CDH12: variants seen among roughly 807,000 people sequenced by gnomAD.
CDH12 encodes the protein cadherin-12.
CDH12 carries 41 observed loss-of-function variants against 74.1 expected under a neutral mutation model. The observed-to-expected ratio is 0.55, with a 90% CI of 0.43 to 0.72. The LOEUF (loss-of-function observed/expected upper bound fraction) is 0.72, where lower values mean the gene tolerates loss of function less well. CDH12 is among the 30% of genes least tolerant of loss of function. The pLI is 0.00. For missense variants in CDH12, 945 were observed against 977.2 expected (o/e 0.97, Z 0.44); for synonymous variants, 399 against 355.0 (o/e 1.12, Z -1.39).
rs995357812 is a variant in CDH12, at chr5:22,005,505, C to G, written c.232-30120G>C. 3.3e-5 allele frequency among the ~76,000 whole-genome samples: 5 copies of G among 150,798 alleles called. No individual in the cohort carries two copies. In the South Asian group the frequency reaches 6.3e-4, roughly 19 times the overall value. On this transcript the variant is annotated intron_variant, in intron 5 of 14. Coordinates refer to ENST00000382254, the MANE Select transcript of CDH12 (RefSeq NM_004061.5). ...TTTGTGTAGATATACAGCAGTGGGT[C>G]AATCCCATTTTAAAATGCAACCTGC...
chr5:22,393,020 T>C (rs1742310555), intron 3 of CDH12, among the ~76,000 whole-genome samples: 1 of 152,106 alleles, frequency 6.6e-6, no homozygotes. Flanking sequence ...TGAATGATAT[T>C]CCCCAACAAT....
chr5:21,953,457 C>A (rs1346136092), intron 6 of CDH12, among the ~76,000 whole-genome samples: 1 of 152,148 alleles, frequency 6.6e-6, no homozygotes, highest in Non-Finnish European at 1.5e-5. Context: ...TCTGAATAAA[C>A]CTCTTTAAAT....
chr5:22,037,530 T>C (rs1739275119), intron 5 of CDH12, among the ~76,000 whole-genome samples: 1 of 152,174 alleles, frequency 6.6e-6, no homozygotes, highest in South Asian at 2.1e-4. Flanking sequence ...AACACCTTGA[T>C]TTTTTTCCTG....
intron 3 of CDH12, among the ~76,000 whole-genome samples, chr5:22,319,149 A>G (rs1208001200): frequency 6.6e-6 from 1 of 152,186 alleles, no homozygotes; most frequent in Non-Finnish European, 1.5e-5. Flanking sequence ...ATCAAGAAAT[A>G]TTTTAGAGAT....
intron 6 of CDH12, among the ~76,000 whole-genome samples, chr5:21,957,898 A>C (rs575882710): frequency 1.3e-5 from 2 of 152,212 alleles, no homozygotes; most frequent in East Asian, 3.9e-4. Flanking sequence ...TTCTTTTGCT[A>C]TGCAGAAGCT....
At chr5:22,050,530 C>A (rs1740286584) in intron 5 of CDH12, among the ~76,000 whole-genome samples, 1 of 152,076 alleles carries the variant, frequency 6.6e-6, no homozygotes, top group Non-Finnish European at 1.5e-5. Flanking sequence ...ATAGGAATAT[C>A]TGGTTAAACT....
intron 2 of CDH12, among the ~76,000 whole-genome samples, chr5:22,459,043 T>G (rs1157402813): frequency 6.6e-6 from 1 of 152,134 alleles, no homozygotes; most frequent in Non-Finnish European, 1.5e-5. Context: ...CTGTACGAGG[T>G]TAAACTGTAC....
intron 9 of CDH12, among the ~76,000 whole-genome samples, chr5:21,810,014 C>T (rs757821396): frequency 6.6e-6 from 1 of 151,976 alleles, no homozygotes; most frequent in Non-Finnish European, 1.5e-5. Context: ...TTATATGGGA[C>T]AGGGAGTTCT....
chr5:22,688,038 G>C (rs1052722028), intron 1 of CDH12, among the ~76,000 whole-genome samples: 3 of 152,088 alleles, frequency 2.0e-5, no homozygotes, highest in African/African-American at 7.2e-5. Flanking sequence ...AAAGCACCGA[G>C]AATTTATAAT....
At chr5:21,788,658 C>A (rs1746328172) in intron 10 of CDH12, among the ~76,000 whole-genome samples, 1 of 151,894 alleles carries the variant, frequency 6.6e-6, no homozygotes, top group Non-Finnish European at 1.5e-5. Context: ...AATAAAGTTC[C>A]AAACATCTTT....
intron 1 of CDH12, among the ~76,000 whole-genome samples, chr5:22,792,230 A>T (rs1361863559): frequency 1.3e-5 from 2 of 151,820 alleles, no homozygotes; most frequent in African/African-American, 4.8e-5. Context: ...CTGGGATTAC[A>T]GGTGCCCGCC....
chr5:21,795,902 T>A (rs1746753002), intron 10 of CDH12, among the ~76,000 whole-genome samples: 2 of 152,120 alleles, frequency 1.3e-5, no homozygotes, highest in South Asian at 4.1e-4. Flanking sequence ...TCAATTCCAA[T>A]TGATTACAGC....
In CDH12 at chr5:21,751,750, T is replaced by TCGC; in HGVS notation, c.2371_2372insGCG (p.Pro790_Asp791insGly). On this transcript the variant is annotated inframe_insertion, in exon 15 of 15. Coordinates refer to ENST00000382254, the MANE Select transcript of CDH12 (RefSeq NM_004061.5). ...TCCACGACTCCCTTAAGTGACTTTA[T>TCGC]CAGGGTTATAACTCTCTTCTTCGCC... 1 of 1,612,078 alleles carries TCGC rather than the reference T, an allele frequency of 6.2e-7. No individual in the cohort carries two copies. The highest frequency in any genetic ancestry group is 8.5e-7 in the Non-Finnish European group (1 of 1,179,080).
chr5:22,557,485 T>C lies in CDH12; in HGVS notation c.-522-52121A>G, dbSNP rs559857099. 1.9e-4 allele frequency among the ~76,000 whole-genome samples: 29 copies of C among 151,956 alleles called. 1 individual carries two copies. Among genetic ancestry groups the C allele is most frequent in the Non-Finnish European group, 2.8e-4 (19 of 67,946 alleles). ...TTGCCAGCAATTCTGGCAAAGATAA[T>C]GTGCATTGGAAGTGATCTATAAACC... On this transcript the variant is annotated intron_variant, in intron 1 of 14. Transcript: ENST00000382254.
intron 6 of CDH12, among the ~76,000 whole-genome samples, chr5:21,906,865 C>G (rs7731518): frequency 6.6e-6 from 1 of 152,006 alleles, no homozygotes; most frequent in Non-Finnish European, 1.5e-5. Flanking sequence ...CATGTAGAGA[C>G]GAAGTCTCTC....
chr5:22,570,560 T>C (rs1266720124), intron 1 of CDH12, among the ~76,000 whole-genome samples: 1 of 152,174 alleles, frequency 6.6e-6, no homozygotes, highest in Admixed American at 6.5e-5. Flanking sequence ...GTCTCAACAG[T>C]AGGCTTAACA....
At chr5:22,301,957 C>T (rs1737901326) in intron 3 of CDH12, among the ~76,000 whole-genome samples, 1 of 151,876 alleles carries the variant, frequency 6.6e-6, no homozygotes, top group South Asian at 2.1e-4. Flanking sequence ...GTGTGAACCA[C>T]TGCTCCCAGC....
chr5:22,662,707 C>A (rs1407551608), intron 1 of CDH12, among the ~76,000 whole-genome samples: 1 of 152,188 alleles, frequency 6.6e-6, no homozygotes, highest in Admixed American at 6.5e-5. Flanking sequence ...AATTTGTTGT[C>A]AGCTGTTGCA....
At chr5:22,030,969 TTCC>T (rs1368481578) in intron 5 of CDH12, among the ~76,000 whole-genome samples, 1 of 152,164 alleles carries the variant, frequency 6.6e-6, no homozygotes, top group Non-Finnish European at 1.5e-5. Context: ...TCTCTGCAGC[TTCC>T]TCATCTCTCT....
Sources: gnomAD v4.1 joint callset for allele counts (sites outside exome capture counted in the v4.1 genomes callset) on GRCh38, gnomAD v4.1.1 for gene constraint, MANE v1.5 for transcripts, NCBI Gene and HGNC (gene_info 2026-07-23, HGNC 2026-07-21) for gene names.